KIF13A: variants seen among roughly 807,000 people sequenced by gnomAD.
The protein encoded by KIF13A is kinesin-like protein KIF13A.
Under a neutral mutation model 212.2 loss-of-function variants are expected in KIF13A, and 79 were observed. The ratio of observed to expected loss-of-function variants is 0.37; its 90% CI spans 0.31 to 0.45. The LOEUF is 0.45. KIF13A is among the 20% of genes least tolerant of loss of function. The pLI is 1.00. For missense variants in KIF13A, 1,901 were observed against 2,209.0 expected (o/e 0.86, Z 2.79); for synonymous variants, 789 against 808.6 (o/e 0.98, Z 0.41).
Position 17,776,358 on chromosome 6 carries a change from C to T in KIF13A, c.4170+919G>A, listed in dbSNP as rs998818918. Among the ~76,000 whole-genome samples, 2 of 152,184 alleles carry T rather than the reference C, an allele frequency of 1.3e-5. No homozygotes were observed. The highest frequency in any genetic ancestry group is 2.9e-5 in the Non-Finnish European group (2 of 68,030). Reference sequence around the variant, plus strand: ...TAATTTCTAGGTACCACTTTAGCTGCATTGCACAAACACTGATCTATGTAT... The same window carrying T: ...TAATTTCTAGGTACCACTTTAGCTGTATTGCACAAACACTGATCTATGTAT... On this transcript the variant is annotated intron_variant, in intron 34 of 38. Coordinates refer to ENST00000259711, the MANE Select transcript of KIF13A (RefSeq NM_022113.6). The surrounding 1 kb of genome is among the most constrained non-coding windows in gnomAD (Gnocchi z 4.6).
chr6:17,778,765 C>T (rs190896665), intron 33 of KIF13A, among the ~76,000 whole-genome samples, 182 bp downstream of exon 33: 1 of 152,092 alleles, frequency 6.6e-6, no homozygotes, highest in Admixed American at 6.6e-5. Context: ...AGGGGTTATT[C>T]AATAAAAGTT....
intron 25 of KIF13A, among the ~76,000 whole-genome samples, chr6:17,790,689 C>T (rs752355096): frequency 1.6e-4 from 25 of 152,130 alleles, no homozygotes; most frequent in Non-Finnish European, 1.5e-5. Context: ...GAACTGTAAG[C>T]CATGTCTGAG....
intron 13 of KIF13A, 26 bp downstream of exon 13, chr6:17,831,075 G>A (rs754539501): frequency 5.6e-6 from 9 of 1,596,168 alleles, no homozygotes; most frequent in African/African-American, 4.0e-5. Flanking sequence ...AATCTTGATT[G>A]CATATGTATT....
chr6:17,867,386 T>G (rs1405693018), intron 4 of KIF13A, among the ~76,000 whole-genome samples: 1 of 152,240 alleles, frequency 6.6e-6, no homozygotes, highest in Admixed American at 6.5e-5. Context: ...TCATTTATAA[T>G]GAATCCCTAC....
chr6:17,766,587 C>T (rs1382330147), intron 38 of KIF13A, among the ~76,000 whole-genome samples: 1 of 151,964 alleles, frequency 6.6e-6, no homozygotes, highest in Non-Finnish European at 1.5e-5. Flanking sequence ...AGGGGTCCTG[C>T]TCTGTCACTC....
At chr6:17,846,604 TAAAA>T (rs11431431) in intron 9 of KIF13A, among the ~76,000 whole-genome samples, 7,786 of 126,998 alleles carry the variant, frequency 0.061, 284 homozygotes, top group Middle Eastern at 0.092. Context: ...CCCATTTCTT[TAAAA>T]AAAAAAAAAA....
chr6:17,853,838 G>T (rs1767894727), intron 6 of KIF13A, among the ~76,000 whole-genome samples: 2 of 152,098 alleles, frequency 1.3e-5, no homozygotes, highest in African/African-American at 4.8e-5. Flanking sequence ...TTGGGGAGGG[G>T]TAGAAAATGG....
chr6:17,875,016 C>CAA (rs1770415649), intron 3 of KIF13A, among the ~76,000 whole-genome samples: 2 of 149,960 alleles, frequency 1.3e-5, no homozygotes, highest in African/African-American at 4.9e-5. Context: ...CACACACACA[C>CAA]ACACACACAG....
intron 2 of KIF13A, among the ~76,000 whole-genome samples, chr6:17,962,997 C>G (rs1561810743): frequency 1.3e-5 from 2 of 152,196 alleles, no homozygotes; most frequent in African/African-American, 4.8e-5. Context: ...ACTGTAAACT[C>G]AAAGTGCATA....
chr6:17,938,576 C>G (rs554884964), intron 2 of KIF13A, among the ~76,000 whole-genome samples: 6 of 152,242 alleles, frequency 3.9e-5, no homozygotes, highest in Admixed American at 3.9e-4. Context: ...ATGCTTATGA[C>G]TTGATCTAAA....
intron 4 of KIF13A, among the ~76,000 whole-genome samples, chr6:17,861,492 C>T (rs942363645): frequency 6.6e-6 from 1 of 152,184 alleles, no homozygotes. Context: ...ATGTTTACCT[C>T]TGTGCAGTTT....
rs1316227376 is a variant in KIF13A, at chr6:17,777,290, G to A, written c.4157C>T (p.Pro1386Leu). 1 of 1,612,142 alleles carries A rather than the reference G, an allele frequency of 6.2e-7. No homozygotes were observed. Among genetic ancestry groups the A allele is most frequent in the Non-Finnish European group, 8.5e-7 (1 of 1,178,868 alleles). Residue 1386 changes from proline to leucine, a missense_variant, in exon 34 of 39, where the codon CCA becomes CTA. Physicochemically the swap from Pro to Leu is moderately conservative, Grantham distance 98. Coordinates refer to ENST00000259711, the MANE Select transcript of KIF13A (RefSeq NM_022113.6). This position sits in a 1 kb window ranked among gnomAD's most constrained non-coding sequence, Gnocchi z 4.4. ...GGATGCACTTACATTATGAACATTT[G>A]GTGTACTGAGGCTCCTCCGAATGTG... ...ARHIRRSLSTPNVHNVSSSRP... is the reference protein window; with the variant it reads ...ARHIRRSLSTLNVHNVSSSRP...
At chr6:17,759,435 TAAG>T (rs975120155), downstream of KIF13A, 2 of 152,120 alleles carry the variant, frequency 1.3e-5, no homozygotes, top group African/African-American at 2.4e-5. Flanking sequence ...AGCTTTTCAT[TAAG>T]GTTTCCAATA....
At chr6:17,939,521 G>T (rs1776763092) in intron 2 of KIF13A, among the ~76,000 whole-genome samples, 1 of 152,172 alleles carries the variant, frequency 6.6e-6, no homozygotes, top group Admixed American at 6.5e-5. Context: ...TGTAGCAAGG[G>T]CTGGGTAAAA....
Position 17,871,217 on chromosome 6 carries a change from G to A in KIF13A, c.220+2160C>T, listed in dbSNP as rs1209796854. Among the ~76,000 whole-genome samples the A allele has an allele frequency of 1.3e-5, 2 of 152,156 alleles. No individual in the cohort carries two copies. Among genetic ancestry groups the A allele is most frequent in the East Asian group, 3.9e-4 (2 of 5,192 alleles). On this transcript the variant is annotated intron_variant, in intron 4 of 38. Coordinates refer to ENST00000259711, the MANE Select transcript of KIF13A (RefSeq NM_022113.6). The surrounding 1 kb of genome is among the most constrained non-coding windows in gnomAD (Gnocchi z 4.4). The stretch of plus-strand genomic sequence containing the variant: ...TATATGTATCCCTTGTGGAATGGCT[G>A]AATCAGGCGATTTAATGTATGTGTT...
chr6:17,937,194 C>A (rs1476872149), intron 2 of KIF13A, among the ~76,000 whole-genome samples: 1 of 152,152 alleles, frequency 6.6e-6, no homozygotes, highest in East Asian at 1.9e-4. Context: ...TATACACATA[C>A]ATACATAAAT....
At chr6:17,903,534 T>C (rs117394590) in intron 2 of KIF13A, among the ~76,000 whole-genome samples, 1 of 152,220 alleles carries the variant, frequency 6.6e-6, no homozygotes, top group East Asian at 1.9e-4. Flanking sequence ...AAAAATAAGT[T>C]TTACGTGACT....
rs773284985 is a variant in KIF13A at position 17,764,435 on chromosome 6, G to A, written c.5093C>T (p.Ser1698Leu). ...KNSKSLCRTGSCSELDACPSK... is the reference protein window; with the variant it reads ...KNSKSLCRTGLCSELDACPSK... The stretch of plus-strand genomic sequence containing the variant: ...GGGGCAGGCATCTAGTTCTGAACAT[G>A]AGCCAGTCCTGCACAGTGATTTGGA... The change falls in exon 39 of 39, where the codon TCA becomes TTA. Residue 1698 changes from serine to leucine, a missense_variant. Ser to Leu is a moderately radical substitution (Grantham distance 145). Transcript: ENST00000259711. This position sits in a 1 kb window ranked among gnomAD's most constrained non-coding sequence, Gnocchi z 5.1. 8 of 1,614,022 alleles carry A rather than the reference G, an allele frequency of 5.0e-6. No individual in the cohort carries two copies. Among genetic ancestry groups the A allele is most frequent in the Non-Finnish European group, 6.8e-6 (8 of 1,179,894 alleles).
At position 17,783,699 on chromosome 6, in the gene KIF13A, A is replaced by T. The variant is rs556247264; in HGVS notation, c.3491T>A (p.Ile1164Asn). The change falls in exon 29 of 39, where the codon ATC becomes AAC. Residue 1164 changes from isoleucine (I) to asparagine (N), a missense_variant and splice_region_variant. By Grantham distance (149) the Ile-to-Asn change is moderately radical (BLOSUM62 -3). Transcript: ENST00000259711. This position sits in a 1 kb window ranked among gnomAD's most constrained non-coding sequence, Gnocchi z 4.3. ...SGIPGAPADW[I>N]PPPGMETHIP... Reference sequence around the variant, plus strand: ...GTGGGTTTCCATTCCAGGAGGTGGGATCCTAAATTTAATAACAACATTTAA... The same window carrying T: ...GTGGGTTTCCATTCCAGGAGGTGGGTTCCTAAATTTAATAACAACATTTAA... 5.1e-6 allele frequency: 8 copies of T among 1,563,746 alleles called. No homozygotes were observed. The South Asian group carries it at 9.3e-5, about 18-fold the overall frequency.
Sources: gnomAD v4.1 joint callset for allele counts (sites outside exome capture counted in the v4.1 genomes callset) on GRCh38, gnomAD v4.1.1 for gene constraint, Gnocchi (gnomAD v3.1) non-coding constraint, MANE v1.5 for transcripts, NCBI Gene and HGNC (gene_info 2026-07-23, HGNC 2026-07-21) for gene names.